MIPOL1: variants seen among roughly 807,000 people sequenced by gnomAD.
MIPOL1 encodes mirror-image polydactyly 1.
Under a neutral mutation model 60.9 loss-of-function variants are expected in MIPOL1, and 57 were observed. The observed-to-expected ratio is 0.94, with a 90% confidence interval of 0.76 to 1.17. MIPOL1 has a LOEUF of 1.17. Among genes scored for constraint, MIPOL1 ranks in the 50% most tolerant of loss-of-function variants. The pLI is 0.00. For synonymous variants in MIPOL1, 179 were observed against 168.8 expected, an observed-to-expected ratio of 1.06 and a Z score of -0.47; for missense variants, 551 against 511.6, an observed-to-expected ratio of 1.08 and a Z score of -0.74.
At chr14:37,299,991 T>A (rs1367958770) in intron 7 of MIPOL1, among the ~76,000 whole-genome samples, 4 of 152,000 alleles carry the variant, frequency 2.6e-5, no homozygotes, top group Non-Finnish European at 5.9e-5. Flanking sequence ...TGCCTCATGG[T>A]TATGTTGGGT....
intron 10 of MIPOL1, among the ~76,000 whole-genome samples, chr14:37,387,860 C>G (rs1348089691): frequency 6.6e-6 from 1 of 150,896 alleles, no homozygotes; most frequent in African/African-American, 2.4e-5. Context: ...CTATGTAATT[C>G]TAAAGAGAAA....
intron 7 of MIPOL1, among the ~76,000 whole-genome samples, chr14:37,294,701 G>C (rs1456784698): frequency 1.3e-5 from 2 of 152,046 alleles, no homozygotes; most frequent in Non-Finnish European, 2.9e-5. Flanking sequence ...TGGAAGAAAG[G>C]GTATCAGTGA....
intron 10 of MIPOL1, among the ~76,000 whole-genome samples, chr14:37,395,696 T>C (rs2153524388): frequency 6.6e-6 from 1 of 152,256 alleles, no homozygotes; most frequent in African/African-American, 2.4e-5. Flanking sequence ...AATCATATCG[T>C]CAGCAAACAG....
chr14:37,531,007 G>A (rs918880371), intron 12 of MIPOL1, among the ~76,000 whole-genome samples: 4 of 151,890 alleles, frequency 2.6e-5, no homozygotes, highest in Non-Finnish European at 5.9e-5. Context: ...TAGTAGAGAC[G>A]GGGTTTCACC....
chr14:37,346,703 A>G (rs1258717444), intron 9 of MIPOL1, among the ~76,000 whole-genome samples: 2 of 152,156 alleles, frequency 1.3e-5, no homozygotes, highest in Non-Finnish European at 2.9e-5. Context: ...AAGGGCTAGG[A>G]ACTTTGATTT....
intron 9 of MIPOL1, among the ~76,000 whole-genome samples, chr14:37,316,562 G>A (rs1360991043): frequency 1.3e-5 from 2 of 149,372 alleles, no homozygotes; most frequent in African/African-American, 4.9e-5. Context: ...ATTGGCATTA[G>A]ATGGAGAGAG....
intron 11 of MIPOL1, among the ~76,000 whole-genome samples, chr14:37,468,209 A>G (rs2094628125): frequency 6.6e-6 from 1 of 152,014 alleles, no homozygotes; most frequent in Non-Finnish European, 1.5e-5. Context: ...TAGTTGCTCA[A>G]TAAATGTTTA....
chr14:37,292,584 T>C (rs1330387869), intron 7 of MIPOL1, among the ~76,000 whole-genome samples: 1 of 147,032 alleles, frequency 6.8e-6, no homozygotes, highest in East Asian at 2.1e-4. Context: ...GGGTTCAAGC[T>C]ATTCTCCTGC....
intron 8 of MIPOL1, 27 bp from the exon 9 acceptor site, chr14:37,308,322 C>G: frequency 1.4e-6 from 2 of 1,480,606 alleles, no homozygotes; most frequent in Non-Finnish European, 1.8e-6. Flanking sequence ...AACTTCATGT[C>G]TGACTAACAT....
intron 7 of MIPOL1, among the ~76,000 whole-genome samples, chr14:37,302,618 A>G (rs1371336586): frequency 1.3e-5 from 2 of 149,912 alleles, no homozygotes; most frequent in East Asian, 3.9e-4. Flanking sequence ...TTAAATTTTG[A>G]TAACATTAAA....
Position 37,547,176 on chromosome 14 carries a change from A to G in MIPOL1, c.*205A>G. The G allele has an allele frequency of 1.9e-6, 1 of 524,588 alleles. No homozygotes were observed. 32.5% of individuals were successfully genotyped at this position (524,588 alleles called of 1,614,324 possible). On this transcript the variant is annotated 3_prime_UTR_variant, in exon 13 of 13. Coordinates refer to ENST00000684589, the MANE Select transcript of MIPOL1 (RefSeq NM_001388067.1). Reference sequence around the variant, plus strand: ...TTGAGTTATTTATCCAAATATATTAACTATAGACTTTTACCAATGGGTAGC... The same window carrying G: ...TTGAGTTATTTATCCAAATATATTAGCTATAGACTTTTACCAATGGGTAGC...
chr14:37,417,660 G>C lies in MIPOL1; in HGVS notation c.937-5195G>C, dbSNP rs78494028. On this transcript the variant is annotated intron_variant, in intron 10 of 12. Coordinates refer to ENST00000684589, the MANE Select transcript of MIPOL1 (RefSeq NM_001388067.1). ...AGGTTAAAAATTAAAATCCTAGTAG[G>C]TCTATGGTCATGTTCTTTGAGAAAT... Among the ~76,000 whole-genome samples, 303 of 152,188 alleles carry C rather than the reference G, an allele frequency of 2.0e-3. 2 individuals are homozygous for C. Among genetic ancestry groups the C allele is most frequent in the Non-Finnish European group, 3.7e-3 (250 of 67,996 alleles).
chr14:37,376,996 C>T (rs936598293), intron 10 of MIPOL1, among the ~76,000 whole-genome samples: 3 of 152,022 alleles, frequency 2.0e-5, no homozygotes, highest in Admixed American at 6.6e-5. Context: ...ATGGCATCAC[C>T]TATCATTTTT....
chr14:37,224,954 C>T (rs1198311452), intron 1 of MIPOL1, among the ~76,000 whole-genome samples: 1 of 152,092 alleles, frequency 6.6e-6, no homozygotes, highest in African/African-American at 2.4e-5. Flanking sequence ...GAGAAATTGG[C>T]CAAAACAAAG....
At chr14:37,416,842 G>T (rs1349106477) in intron 10 of MIPOL1, among the ~76,000 whole-genome samples, 2 of 152,104 alleles carry the variant, frequency 1.3e-5, no homozygotes, top group Non-Finnish European at 2.9e-5. Flanking sequence ...ATCCACACTA[G>T]ATTTTATTTT....
intron 3 of MIPOL1, among the ~76,000 whole-genome samples, chr14:37,255,287 A>C (rs967417884): frequency 2.6e-5 from 4 of 151,782 alleles, no homozygotes; most frequent in African/African-American, 7.2e-5. Context: ...CATTTTGTTG[A>C]TTTAGGAGAC....
At chr14:37,296,302 G>A (rs1460659682) in intron 7 of MIPOL1, among the ~76,000 whole-genome samples, 3 of 151,960 alleles carry the variant, frequency 2.0e-5, no homozygotes, top group African/African-American at 7.2e-5. Context: ...CACATTCAAA[G>A]CAGTGTGTAG....
chr14:37,200,237 A>G (rs572050693), intron 1 of MIPOL1, among the ~76,000 whole-genome samples: 47 of 152,336 alleles, frequency 3.1e-4, no homozygotes, highest in Admixed American at 1.0e-3. Context: ...TACAGGCTGT[A>G]CAGTCTCTGT....
At position 37,336,850 on chromosome 14, in the gene MIPOL1, T is replaced by G. The variant is rs1351035752; in HGVS notation, c.828+28331T>G. ...ATCTTAGCTCACTGCAACCTCCACCTCCCAGGTTCAATCGATTCTCCTGCC... is the reference window on the plus strand; with the variant it reads ...ATCTTAGCTCACTGCAACCTCCACCGCCCAGGTTCAATCGATTCTCCTGCC... On this transcript the variant is annotated intron_variant, in intron 9 of 12. Transcript: ENST00000684589. Among the ~76,000 whole-genome samples the G allele has an allele frequency of 2.6e-5, 4 of 152,172 alleles. No individual in the cohort carries two copies. In the South Asian group the frequency reaches 6.2e-4, roughly 24 times the overall value.
Sources: gnomAD v4.1 joint callset for allele counts (sites outside exome capture counted in the v4.1 genomes callset) on GRCh38, gnomAD v4.1.1 for gene constraint, MANE v1.5 for transcripts, NCBI Gene and HGNC (gene_info 2026-07-23, HGNC 2026-07-21) for gene names.